ZBP1: variants seen among roughly 807,000 people sequenced by gnomAD.
ZBP1 encodes the protein Z-DNA-binding protein 1.
In ZBP1, 42 loss-of-function variants were observed where a neutral mutation model predicts 41.1. The ratio of observed to expected loss-of-function variants is 1.02; its 90% CI spans 0.80 to 1.32. ZBP1 has a LOEUF of 1.32. Among genes scored for constraint, ZBP1 ranks in the 40% most tolerant of loss-of-function variants. The pLI is 0.00. For missense variants in ZBP1, 562 were observed against 549.7 expected (o/e 1.02, Z -0.22); for synonymous variants, 214 against 205.2 (o/e 1.04, Z -0.37).
intron 7 of ZBP1, 94 bp from the exon 8 acceptor site, chr20:57,604,863 G>A: frequency 1.6e-6 from 2 of 1,252,470 alleles, no homozygotes; most frequent in Non-Finnish European, 2.2e-6. Flanking sequence ...AGCTCAGCTT[G>A]AGCCTTTGTT....
chr20:57,611,974 G>A (rs771999288), intron 5 of ZBP1, 44 bp from the exon 6 acceptor site: 7 of 1,536,692 alleles, frequency 4.6e-6, no homozygotes, highest in Non-Finnish European at 4.4e-6. Context: ...ATTACTGCAG[G>A]CTTCTTCCTT....
intron 1 of ZBP1, chr20:57,616,720 G>A (rs906230999): frequency 4.9e-5 from 25 of 512,650 alleles, no homozygotes; most frequent in Middle Eastern, 5.4e-4. Flanking sequence ...GTGCCACCTC[G>A]CCTGTGCCCT....
At chr20:57,615,681 C>G in intron 2 of ZBP1, 101 bp from the exon 3 acceptor site, 2 of 989,896 alleles carry the variant, frequency 2.0e-6, no homozygotes, top group Non-Finnish European at 1.5e-6. Flanking sequence ...GTGGCAATGC[C>G]GGTAGTTGCA....
rs916201027 is a variant in ZBP1 at position 57,615,101 on chromosome 20, G to T, written c.329-41C>A. 1.9e-6 allele frequency: 3 copies of T among 1,608,772 alleles called. No homozygotes were observed. In the Admixed American group the frequency reaches 5.0e-5, roughly 27 times the overall value. On this transcript the variant is annotated intron_variant, in intron 3 of 7. Transcript: ENST00000371173. ...GCCAGGTGGTTAGGGAGTAGTCCTA[G>T]GGTTTGCATCTGCCCCACCGCTTCC...
At position 57,611,732 on chromosome 20, in the gene ZBP1, G is replaced by T; in HGVS notation, c.869C>A (p.Pro290His). ...EGPAHIPPGS[P>H]PVSATAAGPE... ...GGCCTCTAGATCCCAGTTACCTGGG[G>T]GGCTGCCAGGGGGGATGTGGGCAGG... The change falls in exon 6 of 8, where the codon CCC becomes CAC. Residue 290 changes from proline (P) to histidine (H), a missense_variant. Transcript: ENST00000371173. 2 of 1,608,092 alleles carry T rather than the reference G, an allele frequency of 1.2e-6. No individual in the cohort carries two copies. The highest frequency in any genetic ancestry group is 1.7e-6 in the Non-Finnish European group (2 of 1,178,088).
At chr20:57,615,405 C>T (rs1398483915) in intron 3 of ZBP1, 107 bp downstream of exon 3, 2 of 1,230,972 alleles carry the variant, frequency 1.6e-6, no homozygotes, top group Non-Finnish European at 2.4e-6. Flanking sequence ...GTGGGTGGGA[C>T]AGGGCCCCTG....
intron 7 of ZBP1, among the ~76,000 whole-genome samples, chr20:57,605,504 G>A (rs147044841): frequency 2.0e-5 from 3 of 152,334 alleles, no homozygotes; most frequent in Non-Finnish European, 2.9e-5. Flanking sequence ...AATATCACCT[G>A]TAGAAGATGA....
chr20:57,617,694 C>CCA (rs1555875513), intron 1 of ZBP1: 1 of 151,648 alleles, frequency 6.6e-6, no homozygotes, highest in Non-Finnish European at 1.5e-5. Context: ...CCCATCTCTA[C>CCA]AAAAAAAGAG....
Position 57,610,292 on chromosome 20 carries a change from T to TC in ZBP1, c.949dup (p.Glu317GlyfsTer101). The TC allele has an allele frequency of 6.2e-7, 1 of 1,614,112 alleles. No individual in the cohort carries two copies. The highest frequency in any genetic ancestry group is 8.5e-7 in the Non-Finnish European group (1 of 1,180,008). On this transcript the variant is annotated frameshift_variant, in exon 7 of 8. Transcript: ENST00000371173. LOFTEE classifies it high-confidence loss of function. The surrounding 1 kb of genome is among the most constrained non-coding windows in gnomAD (Gnocchi z 5.5). ...TTTCATGTGGATTCTCTGGGCGGCT[T>TC]CCCCCTCAGGGTGAGTTCCTGGACT...
In ZBP1 at chr20:57,620,317, T is replaced by A. The variant is rs967257653; in HGVS notation, c.-22A>T. On this transcript the variant is annotated 5_prime_UTR_variant, in exon 1 of 8. Coordinates refer to ENST00000371173, the MANE Select transcript of ZBP1 (RefSeq NM_030776.3). Reference sequence around the variant, plus strand: ...CCATGCTGACAGCAGCTGCAAGGAGTCGGAGAGACTTGGCAGGTGTGCAGG... The same window carrying A: ...CCATGCTGACAGCAGCTGCAAGGAGACGGAGAGACTTGGCAGGTGTGCAGG... 1 of 1,589,786 alleles carries A rather than the reference T, an allele frequency of 6.3e-7. No individual in the cohort carries two copies. Among genetic ancestry groups the A allele is most frequent in the African/African-American group, 1.3e-5 (1 of 74,382 alleles).
At chr20:57,611,411 ATTTT>A (rs3068061) in intron 6 of ZBP1, among the ~76,000 whole-genome samples, 44 of 95,134 alleles carry the variant, frequency 4.6e-4, no homozygotes, top group East Asian at 4.4e-3. Context: ...TGCCCGGTTA[ATTTT>A]TTTTTTTTTT....
intron 7 of ZBP1, chr20:57,607,039 AG>A: frequency 7.7e-7 from 1 of 1,292,712 alleles, no homozygotes. Flanking sequence ...TGGATTAAGG[AG>A]TAACTTCAAC....
intron 1 of ZBP1, chr20:57,617,814 T>C (rs1183479545): frequency 1.4e-5 from 2 of 148,072 alleles, no homozygotes; most frequent in Non-Finnish European, 3.0e-5. Flanking sequence ...GAGCTATGAA[T>C]GCACCACTGC....
Position 57,610,025 on chromosome 20 carries a change from G to T in ZBP1, c.1093+124C>A. On this transcript the variant is annotated intron_variant, in intron 7 of 7. Coordinates refer to ENST00000371173, the MANE Select transcript of ZBP1 (RefSeq NM_030776.3). This position sits in a 1 kb window ranked among gnomAD's most constrained non-coding sequence, Gnocchi z 5.5. ...AGCTGCTGCTCCTCGCTGTGGGTGG[G>T]CACAGCCTCCAGACTCCGGGAAACC... 8.9e-7 allele frequency: 1 copy of T among 1,118,914 alleles called. No individual in the cohort carries two copies. Among genetic ancestry groups the T allele is most frequent in the Non-Finnish European group, 1.3e-6 (1 of 770,454 alleles). 69.3% of individuals were successfully genotyped at this position (1,118,914 alleles called of 1,614,324 possible). A position where few individuals can be genotyped will look rare whatever the true frequency, so the allele number is the denominator to read the frequency against.
chr20:57,619,424 C>A (rs565236565), intron 1 of ZBP1, among the ~76,000 whole-genome samples: 5 of 152,308 alleles, frequency 3.3e-5, no homozygotes, highest in African/African-American at 1.2e-4. Flanking sequence ...CCCCAAACCG[C>A]AAAACCACAC....
At position 57,613,470 on chromosome 20, in the gene ZBP1, G is replaced by T; in HGVS notation, c.503-140C>A. ...TCCGAGTCAGTAGGGCCAAGTGGGAGGCCAGAGCTGGGTGTTTAACAGACA... is the reference window on the plus strand; with the variant it reads ...TCCGAGTCAGTAGGGCCAAGTGGGATGCCAGAGCTGGGTGTTTAACAGACA... On this transcript the variant is annotated intron_variant, in intron 4 of 7. Transcript: ENST00000371173. This position sits in a 1 kb window ranked among gnomAD's most constrained non-coding sequence, Gnocchi z 4.5. The T allele has an allele frequency of 1.2e-6, 1 of 865,964 alleles. No homozygotes were observed. The highest frequency in any genetic ancestry group is 2.5e-5 in the East Asian group (1 of 40,338). The allele number at this position is 865,964 out of a possible 1,614,324, so 53.6% of individuals were successfully genotyped here.
At chr20:57,616,552 C>T (rs1218318621) in intron 1 of ZBP1, 84 bp from the exon 2 acceptor site, 8 of 1,445,902 alleles carry the variant, frequency 5.5e-6, no homozygotes, top group East Asian at 2.3e-5. Flanking sequence ...CTCCAGGAGG[C>T]ACGTAGGCCC....
chr20:57,616,794 G>T, intron 1 of ZBP1: 1 of 370,632 alleles, frequency 2.7e-6, no homozygotes, highest in South Asian at 2.7e-5. Flanking sequence ...CAGGGCAGAG[G>T]GGAGTAGAGG....
chr20:57,607,474 A>G lies in ZBP1; in HGVS notation c.1093+2675T>C, dbSNP rs1248745523. The stretch of plus-strand genomic sequence containing the variant: ...TATTCCTGGTGAAGATACTGCGAAC[A>G]TTCTTGAAATGACAACAAAGGATTT... On this transcript the variant is annotated intron_variant, in intron 7 of 7. Transcript: ENST00000371173. Among the ~76,000 whole-genome samples the G allele has an allele frequency of 2.0e-5, 3 of 152,364 alleles. No individual in the cohort carries two copies. In the East Asian group the frequency reaches 5.8e-4, roughly 29 times the overall value.
Sources: allele counts gnomAD v4.1 joint callset (sites outside exome capture counted in the v4.1 genomes callset), GRCh38; gene constraint gnomAD v4.1.1; non-coding constraint Gnocchi (gnomAD v3.1); transcripts MANE v1.5; gene names NCBI Gene and HGNC (gene_info 2026-07-23, HGNC 2026-07-21).